The following KIF13B variants were observed in gnomAD, a reference collection of about 807,000 sequenced individuals.
KIF13B encodes kinesin family member 13B.
Under a neutral mutation model 222.0 loss-of-function variants are expected in KIF13B, and 127 were observed. The observed-to-expected ratio is 0.57, with a 90% CI of 0.50 to 0.66. The LOEUF is 0.66. Among genes scored for constraint, KIF13B ranks in the 30% least tolerant of loss-of-function variants. KIF13B has a pLI of 0.00. For synonymous variants in KIF13B, 976 were observed against 919.0 expected, an observed-to-expected ratio of 1.06 and a Z score of -1.12; for missense variants, 2,173 against 2,379.0, an observed-to-expected ratio of 0.91 and a Z score of 1.80.
chr8:29,159,514 C>T (rs1192348059), intron 13 of KIF13B, among the ~76,000 whole-genome samples: 1 of 152,068 alleles, frequency 6.6e-6, no homozygotes, highest in Non-Finnish European at 1.5e-5. Flanking sequence ...AGGTATCAAA[C>T]AAAAAAGTGG....
At chr8:29,131,070 TAGAAA>T (rs1810320987) in intron 23 of KIF13B, among the ~76,000 whole-genome samples, 1 of 151,910 alleles carries the variant, frequency 6.6e-6, no homozygotes, top group South Asian at 2.1e-4. Context: ...AATGCAGAAA[TAGAAA>T]AGCAAAAACC....
chr8:29,171,172 G>GTT (rs1812220461), intron 10 of KIF13B, among the ~76,000 whole-genome samples: 1 of 152,210 alleles, frequency 6.6e-6, no homozygotes, highest in Admixed American at 6.5e-5. Context: ...CTCACTACCA[G>GTT]AAGTTACTTC....
chr8:29,223,055 C>T (rs1814829904), intron 2 of KIF13B, among the ~76,000 whole-genome samples: 1 of 151,364 alleles, frequency 6.6e-6, no homozygotes, highest in Non-Finnish European at 1.5e-5. Flanking sequence ...CTATGGCTCA[C>T]GCCTATAATG....
chr8:29,180,047 A>C (rs1586889128), intron 8 of KIF13B, 57 bp downstream of exon 8: 3 of 1,597,558 alleles, frequency 1.9e-6, no homozygotes, highest in Non-Finnish European at 2.6e-6. Flanking sequence ...GAGGAAAAAA[A>C]TAAAACCACA....
chr8:29,088,483 A>G (rs1808146653), intron 37 of KIF13B, among the ~76,000 whole-genome samples: 1 of 152,152 alleles, frequency 6.6e-6, no homozygotes, highest in African/African-American at 2.4e-5. Flanking sequence ...CTCTGAGGCA[A>G]AGACTGGTTG....
chr8:29,205,808 C>T (rs530928377), intron 2 of KIF13B, among the ~76,000 whole-genome samples: 2 of 152,056 alleles, frequency 1.3e-5, no homozygotes, highest in African/African-American at 4.8e-5. Context: ...AGAGGCCAGG[C>T]GTGGTGGCTC....
chr8:29,106,193 C>T (rs994708140), intron 35 of KIF13B, among the ~76,000 whole-genome samples: 2 of 152,190 alleles, frequency 1.3e-5, no homozygotes, highest in African/African-American at 4.8e-5. Context: ...TGGCAGAGTA[C>T]AAACAAGCAT....
chr8:29,244,119 T>C (rs979425747), intron 2 of KIF13B, among the ~76,000 whole-genome samples: 7 of 152,144 alleles, frequency 4.6e-5, no homozygotes, highest in Non-Finnish European at 1.0e-4. Flanking sequence ...GTTCACGCCA[T>C]TCTCCTGCCT....
chr8:29,187,254 G>A (rs1255298332), intron 5 of KIF13B, among the ~76,000 whole-genome samples: 1 of 152,148 alleles, frequency 6.6e-6, no homozygotes, highest in Non-Finnish European at 1.5e-5. Context: ...TCGGCTGAAT[G>A]CGGTGGCTCA....
chr8:29,085,206 A>G (rs985599219), intron 37 of KIF13B, among the ~76,000 whole-genome samples: 2 of 152,382 alleles, frequency 1.3e-5, no homozygotes, highest in African/African-American at 4.8e-5. Context: ...TGCTGATTCC[A>G]AAGAACAGGT....
rs1812539373 is a variant in KIF13B at position 29,177,688 on chromosome 8, G to GC, written c.721-111dup. 6 of 749,674 alleles carry GC rather than the reference G, an allele frequency of 8.0e-6. No individual in the cohort carries two copies. The African/African-American group carries it at 8.6e-5, about 11-fold the overall frequency. The allele number at this position is 749,674 out of a possible 1,614,324, so 46.4% of individuals were successfully genotyped here. A position where few individuals can be genotyped will look rare whatever the true frequency, so the allele number is the denominator to read the frequency against. On this transcript the variant is annotated intron_variant, in intron 8 of 39. Transcript: ENST00000524189. ...AGGACAAGGAAGGAGGATCACCTGAGCCCAGGATTTCAAAAACAGCCTGGG... is the reference window on the plus strand; with the variant it reads ...AGGACAAGGAAGGAGGATCACCTGAGCCCCAGGATTTCAAAAACAGCCTGGG...
At chr8:29,250,508 T>C (rs1031231298) in intron 1 of KIF13B, among the ~76,000 whole-genome samples, 23 of 152,232 alleles carry the variant, frequency 1.5e-4, no homozygotes, top group Non-Finnish European at 2.8e-4. Flanking sequence ...TAATAACTAA[T>C]ACACCTAACC....
At position 29,176,050 on chromosome 8, in the gene KIF13B, G is replaced by A. The variant is rs1586883777; in HGVS notation, c.945+18C>T. On this transcript the variant is annotated intron_variant, in intron 10 of 39. Transcript: ENST00000524189. ...AACCACCAAAAGTATGCCAGGAAGG[G>A]AAAAAAAACAAACTTACTTTGAGCA... is the stretch of plus-strand genomic sequence containing the variant. 1.3e-6 allele frequency: 2 copies of A among 1,488,604 alleles called. No homozygotes were observed. Among genetic ancestry groups the A allele is most frequent in the Non-Finnish European group, 1.9e-6 (2 of 1,068,712 alleles). 92.2% of individuals were successfully genotyped at this position (1,488,604 alleles called of 1,614,324 possible).
At chr8:29,190,826 C>T in intron 4 of KIF13B, 171 bp downstream of exon 4, 1 of 659,710 alleles carries the variant, frequency 1.5e-6, no homozygotes, top group East Asian at 2.8e-5. Flanking sequence ...GGGAAAACTC[C>T]CCCAACATTT....
intron 28 of KIF13B, 136 bp from the exon 29 acceptor site, chr8:29,122,782 T>C (rs915422436): frequency 2.9e-6 from 2 of 686,158 alleles, no homozygotes; most frequent in African/African-American, 3.6e-5. Context: ...TTTACTCTAA[T>C]CCAGAATCAG....
At chr8:29,121,892 C>G (rs1478420544) in intron 29 of KIF13B, among the ~76,000 whole-genome samples, 1 of 151,984 alleles carries the variant, frequency 6.6e-6, no homozygotes, top group Admixed American at 6.6e-5. Flanking sequence ...GAAAACACCA[C>G]AAGAAGGAAA....
chr8:29,217,828 G>A (rs1162456372), intron 2 of KIF13B, among the ~76,000 whole-genome samples: 1 of 152,194 alleles, frequency 6.6e-6, no homozygotes, highest in African/African-American at 2.4e-5. Flanking sequence ...AATTTGCAAT[G>A]TCATGGTTTT....
chr8:29,166,912 G>T (rs181633860), intron 11 of KIF13B, among the ~76,000 whole-genome samples: 1 of 152,192 alleles, frequency 6.6e-6, no homozygotes, highest in African/African-American at 2.4e-5. Flanking sequence ...TTCTACAAAC[G>T]TAATTAATCC....
chr8:29,118,768 TGTAAA>T (rs1459305377), intron 30 of KIF13B, 95 bp downstream of exon 30: 9 of 1,216,208 alleles, frequency 7.4e-6, no homozygotes, highest in South Asian at 1.5e-5. Flanking sequence ...TTTTGAGAAA[TGTAAA>T]GTACTGGCAT....
Sources: allele counts gnomAD v4.1 joint callset (sites outside exome capture counted in the v4.1 genomes callset), GRCh38; gene constraint gnomAD v4.1.1; transcripts MANE v1.5; gene names NCBI Gene and HGNC (gene_info 2026-07-23, HGNC 2026-07-21).